HNRNPA0: variants seen among roughly 807,000 people sequenced by gnomAD.
HNRNPA0 encodes the protein heterogeneous nuclear ribonucleoprotein A0.
For missense variants in HNRNPA0, 252 were observed against 433.7 expected, an observed-to-expected ratio of 0.58 and a Z score of 3.72; for synonymous variants, 243 against 195.5, an observed-to-expected ratio of 1.24 and a Z score of -2.03.
rs760625108 is a variant in HNRNPA0, at chr5:137,754,078, G to A, written c.-12C>T. 13 of 1,599,278 alleles carry A rather than the reference G, an allele frequency of 8.1e-6. No individual in the cohort carries two copies. Among genetic ancestry groups the A allele is most frequent in the Admixed American group, 3.4e-5 (2 of 58,412 alleles). ...TGAGAATTCTCCATCTCCAAGGCCC[G>A]GGCCTTGCCCCCGCCCTGCGAGCTC... On this transcript the variant is annotated 5_prime_UTR_variant, in exon 1 of 1. Coordinates refer to ENST00000314940, the MANE Select transcript of HNRNPA0 (RefSeq NM_006805.4).
At position 137,750,525 on chromosome 5, in the gene HNRNPA0, T is replaced by C. The variant is rs1040068598; in HGVS notation, c.*2624A>G. 7 of 152,158 alleles carry C rather than the reference T, an allele frequency of 4.6e-5. No individual in the cohort carries two copies. Among genetic ancestry groups the C allele is most frequent in the Non-Finnish European group, 8.8e-5 (6 of 68,002 alleles). The allele number at this position is 152,158 out of a possible 1,614,324, so 9.4% of individuals were successfully genotyped here. On this transcript the variant is annotated 3_prime_UTR_variant, in exon 1 of 1. Transcript: ENST00000314940. ...AAAAATTATATTCAACACTAGGTTC[T>C]GTACCACCTGCTCCCATGAACTCTT...
In HNRNPA0 at chr5:137,754,305, G is replaced by A; in HGVS notation, c.-239C>T. 1 of 541,696 alleles carries A rather than the reference G, an allele frequency of 1.8e-6. No individual in the cohort carries two copies. 33.6% of individuals were successfully genotyped at this position (541,696 alleles called of 1,614,324 possible). ...CCGAGGAGACTGGAAGACAACCAAG[G>A]CCACCGCTACCGCCGCCGCCGCCAC... On this transcript the variant is annotated 5_prime_UTR_variant, in exon 1 of 1. Coordinates refer to ENST00000314940, the MANE Select transcript of HNRNPA0 (RefSeq NM_006805.4).
In HNRNPA0 at chr5:137,753,410, G is replaced by A. The variant is rs997960289; in HGVS notation, c.657C>T (p.Ser219=). 1.9e-6 allele frequency: 3 copies of A among 1,549,094 alleles called. No homozygotes were observed. Among genetic ancestry groups the A allele is most frequent in the South Asian group, 2.4e-5 (2 of 84,692 alleles). ...CTCCGCCGCCGCCGTAACCACCGTA[G>A]CTGTTGTAACCGCCGCCGCCGCCCT... ...LSKGGGGGYN[S]YGGYGGGGGG... is the part of the protein sequence containing the mutation. Residue 219 remains serine (S), a synonymous_variant, in exon 1 of 1, where the codon AGC becomes AGT. Transcript: ENST00000314940. This position sits in a 1 kb window ranked among gnomAD's most constrained non-coding sequence, Gnocchi z 6.1.
In HNRNPA0 at chr5:137,753,602, G is replaced by A. The variant is rs561337667; in HGVS notation, c.465C>T (p.Ala155=). 4 of 1,614,148 alleles carry A rather than the reference G, an allele frequency of 2.5e-6. No individual in the cohort carries two copies. Among genetic ancestry groups the A allele is most frequent in the East Asian group, 4.5e-5 (2 of 44,872 alleles). ...GAATCGGATGGAACTTGACCACCGC[G>A]GCCTTGTCTGCCGCGTCGTGATTCT... ...YFQNHDAADK[A]AVVKFHPIQG... The change falls in exon 1 of 1, where the codon GCC becomes GCT. Residue 155 remains alanine (A), a synonymous_variant. Transcript: ENST00000314940. This position sits in a 1 kb window ranked among gnomAD's most constrained non-coding sequence, Gnocchi z 6.1.
rs1753422359 is a variant in HNRNPA0 at position 137,747,298 on chromosome 5, T to A, written c.*5851A>T. On this transcript the variant is annotated 3_prime_UTR_variant, in exon 1 of 1. Transcript: ENST00000314940. ...GTATGCAGTTCTTTATTTGTCAGCC[T>A]CCCAGGAACACAGAACAAGAGAGAT... 1 of 152,082 alleles carries A rather than the reference T, an allele frequency of 6.6e-6. No individual in the cohort carries two copies. Among genetic ancestry groups the A allele is most frequent in the South Asian group, 2.1e-4 (1 of 4,828 alleles). 9.4% of individuals were successfully genotyped at this position (152,082 alleles called of 1,614,324 possible). A position where few individuals can be genotyped will look rare whatever the true frequency, so the allele number is the denominator to read the frequency against.
rs1753417019 is a variant in HNRNPA0, at chr5:137,746,908, T to C, written c.*6241A>G. 6.6e-6 allele frequency: 1 copy of C among 152,194 alleles called. No homozygotes were observed. Among genetic ancestry groups the C allele is most frequent in the African/African-American group, 2.4e-5 (1 of 41,442 alleles). 9.4% of individuals were successfully genotyped at this position (152,194 alleles called of 1,614,324 possible). On this transcript the variant is annotated 3_prime_UTR_variant, in exon 1 of 1. Coordinates refer to ENST00000314940, the MANE Select transcript of HNRNPA0 (RefSeq NM_006805.4). ...GTGCAAATAGCTAGATCTTCACGTT[T>C]GGTGGTGTGGGAAGATCAAGTCATA... is the stretch of plus-strand genomic sequence containing the variant.
In HNRNPA0 at chr5:137,749,477, G is replaced by C. The variant is rs1362892641; in HGVS notation, c.*3672C>G. 1 of 152,070 alleles carries C rather than the reference G, an allele frequency of 6.6e-6. No individual in the cohort carries two copies. Among genetic ancestry groups the C allele is most frequent in the African/African-American group, 2.4e-5 (1 of 41,398 alleles). 9.4% of individuals were successfully genotyped at this position (152,070 alleles called of 1,614,324 possible). A position where few individuals can be genotyped will look rare whatever the true frequency, so the allele number is the denominator to read the frequency against. Reference sequence around the variant, plus strand: ...CTTTTTATAATAAATGTTTTACCTTGTAACATTTAAATTCTCATTCAAGGC... The same window carrying C: ...CTTTTTATAATAAATGTTTTACCTTCTAACATTTAAATTCTCATTCAAGGC... On this transcript the variant is annotated 3_prime_UTR_variant, in exon 1 of 1. Transcript: ENST00000314940.
At position 137,753,716 on chromosome 5, in the gene HNRNPA0, G is replaced by A. The variant is rs201127169; in HGVS notation, c.351C>T (p.His117=). ...GDVAEGDLIE[H]FSQFGTVEKA... ...TTTCCACGGTGCCAAACTGCGAGAA[G>A]TGCTCGATCAGGTCGCCCTCAGCCA... Residue 117 remains histidine (H), a synonymous_variant, in exon 1 of 1, where the codon CAC becomes CAT. Coordinates refer to ENST00000314940, the MANE Select transcript of HNRNPA0 (RefSeq NM_006805.4). The surrounding 1 kb of genome is among the most constrained non-coding windows in gnomAD (Gnocchi z 6.1). 73 of 1,613,558 alleles carry A rather than the reference G, an allele frequency of 4.5e-5. 1 individual carries two copies. The Admixed American group carries it at 1.2e-3, about 27-fold the overall frequency.
At position 137,754,333 on chromosome 5, in the gene HNRNPA0, C is replaced by T. The variant is rs1015496772; in HGVS notation, c.-267G>A. 4.0e-6 allele frequency: 2 copies of T among 501,264 alleles called. No individual in the cohort carries two copies. Among genetic ancestry groups the T allele is most frequent in the Non-Finnish European group, 7.3e-6 (2 of 273,376 alleles). The allele number at this position is 501,264 out of a possible 1,614,324, so 31.1% of individuals were successfully genotyped here. ...ACCGCTACCGCCGCCGCCGCCACCT[C>T]CGCTCCCCTATCTGGGCACCACACA... On this transcript the variant is annotated 5_prime_UTR_variant, in exon 1 of 1. Coordinates refer to ENST00000314940, the MANE Select transcript of HNRNPA0 (RefSeq NM_006805.4).
At position 137,753,024 on chromosome 5, in the gene HNRNPA0, G is replaced by T; in HGVS notation, c.*125C>A. 4 of 1,010,920 alleles carry T rather than the reference G, an allele frequency of 4.0e-6. No homozygotes were observed. The highest frequency in any genetic ancestry group is 5.5e-5 in the Admixed American group (2 of 36,362). The allele number at this position is 1,010,920 out of a possible 1,614,324, so 62.6% of individuals were successfully genotyped here. ...CCCAAGGGTAAGCAGCCTTAGAAGT[G>T]GCTCCCCCAAGGGCAAAACAGGGAA... On this transcript the variant is annotated 3_prime_UTR_variant, in exon 1 of 1. Coordinates refer to ENST00000314940, the MANE Select transcript of HNRNPA0 (RefSeq NM_006805.4). This position sits in a 1 kb window ranked among gnomAD's most constrained non-coding sequence, Gnocchi z 6.1.
rs983569807 is a variant in HNRNPA0 at position 137,748,696 on chromosome 5, A to G, written c.*4453T>C. 3.3e-5 allele frequency: 5 copies of G among 152,156 alleles called. No individual in the cohort carries two copies. Among genetic ancestry groups the G allele is most frequent in the Non-Finnish European group, 5.9e-5 (4 of 68,006 alleles). The allele number at this position is 152,156 out of a possible 1,614,324, so 9.4% of individuals were successfully genotyped here. A position where few individuals can be genotyped will look rare whatever the true frequency, so the allele number is the denominator to read the frequency against. ...AGTGCTAGAAAGTGACTGTGTCAGGAACAGAATTTGGTCTATTGGATGCCC... is the reference window on the plus strand; with the variant it reads ...AGTGCTAGAAAGTGACTGTGTCAGGGACAGAATTTGGTCTATTGGATGCCC... On this transcript the variant is annotated 3_prime_UTR_variant, in exon 1 of 1. Transcript: ENST00000314940.
At position 137,753,156 on chromosome 5, in the gene HNRNPA0, G is replaced by A. The variant is rs766030504; in HGVS notation, c.911C>T (p.Ser304Phe). 7.4e-6 allele frequency: 12 copies of A among 1,612,442 alleles called. No homozygotes were observed. The South Asian group carries it at 1.1e-4, about 15-fold the overall frequency. ...GGCATTTTAAATTTTCTTTTAGAAG[G>A]AGCTGCCTCCATAGCCACCCCCACC... ...YGGGGGYGGS[S>F]F Residue 304 changes from serine to phenylalanine, a missense_variant, in exon 1 of 1, where the codon TCC (serine) becomes TTC (phenylalanine). Transcript: ENST00000314940. The surrounding 1 kb of genome is among the most constrained non-coding windows in gnomAD (Gnocchi z 6.1).
chr5:137,745,748 T>C lies in HNRNPA0; in HGVS notation c.*7401A>G, dbSNP rs1053547812. The C allele has an allele frequency of 1.3e-5, 2 of 152,342 alleles. No homozygotes were observed. The highest frequency in any genetic ancestry group is 1.9e-4 in the East Asian group (1 of 5,184). The allele number at this position is 152,342 out of a possible 1,614,324, so 9.4% of individuals were successfully genotyped here. On this transcript the variant is annotated 3_prime_UTR_variant, in exon 1 of 1. Transcript: ENST00000314940. The stretch of plus-strand genomic sequence containing the variant: ...CATAAGCAGAATCTGGAGGAATCCA[T>C]GTGCAGGCTTCTTTAGGATCTCTCC...
chr5:137,753,166 C>T lies in HNRNPA0; in HGVS notation c.901G>A (p.Gly301Arg), dbSNP rs1010613382. The T allele has an allele frequency of 1.5e-5, 24 of 1,613,058 alleles. No homozygotes were observed. The highest frequency in any genetic ancestry group is 1.9e-5 in the Non-Finnish European group (23 of 1,179,552). The change falls in exon 1 of 1, where the codon GGA (glycine) becomes AGA (arginine). Residue 301 changes from glycine to arginine, a missense_variant. Transcript: ENST00000314940. This position sits in a 1 kb window ranked among gnomAD's most constrained non-coding sequence, Gnocchi z 6.1. ...ATTTTCTTTTAGAAGGAGCTGCCTC[C>T]ATAGCCACCCCCACCGCCATAGCCG... is the stretch of plus-strand genomic sequence containing the variant. ...RGGYGGGGGY[G>R]GSSF
At position 137,753,482 on chromosome 5, in the gene HNRNPA0, TCGGCCGCCC is replaced by T. The variant is rs764759162; in HGVS notation, c.576_584del (p.Gly197_Gly199del). On this transcript the variant is annotated inframe_deletion, in exon 1 of 1. Transcript: ENST00000314940. The surrounding 1 kb of genome is among the most constrained non-coding windows in gnomAD (Gnocchi z 6.1). ...GACCACCGCCGCGCCCCCGGCCGCC[TCGGCCGCCC>T]CGGGAGGATCGGGAGCCGCCTCCAC... The T allele has an allele frequency of 3.5e-5, 56 of 1,579,470 alleles. No homozygotes were observed. Among genetic ancestry groups the T allele is most frequent in the Non-Finnish European group, 4.2e-5 (49 of 1,162,520 alleles).
Position 137,753,341 on chromosome 5 carries a change from G to A in HNRNPA0, c.726C>T (p.Ser242=), listed in dbSNP as rs770497298. The A allele has an allele frequency of 2.9e-5, 45 of 1,553,812 alleles. No homozygotes were observed. Among genetic ancestry groups the A allele is most frequent in the Middle Eastern group, 1.7e-4 (1 of 6,004 alleles). The change falls in exon 1 of 1, where the codon TCC becomes TCT. Residue 242 remains serine, a synonymous_variant. Coordinates refer to ENST00000314940, the MANE Select transcript of HNRNPA0 (RefSeq NM_006805.4). The surrounding 1 kb of genome is among the most constrained non-coding windows in gnomAD (Gnocchi z 6.1). ...CGTTACCGTAGTCGCTCCCACCGTA[G>A]GACGAACCGCCGCCGCCGCCTCCGT... is the stretch of plus-strand genomic sequence containing the variant. ...NAYGGGGGGS[S]YGGSDYGNGF...
Position 137,748,224 on chromosome 5 carries a change from T to C in HNRNPA0, c.*4925A>G, listed in dbSNP as rs941295456. ...ACCTATCTTTTAAGGTTAAATGTTA[T>C]ATGCTCCACAATGCCTCTCTTGATC... is the stretch of plus-strand genomic sequence containing the variant. On this transcript the variant is annotated 3_prime_UTR_variant, in exon 1 of 1. Coordinates refer to ENST00000314940, the MANE Select transcript of HNRNPA0 (RefSeq NM_006805.4). 1 of 152,194 alleles carries C rather than the reference T, an allele frequency of 6.6e-6. No individual in the cohort carries two copies. The highest frequency in any genetic ancestry group is 2.4e-5 in the African/African-American group (1 of 41,442). The allele number at this position is 152,194 out of a possible 1,614,324, so 9.4% of individuals were successfully genotyped here.
rs1753510604 is a variant in HNRNPA0 at position 137,752,221 on chromosome 5, G to A, written c.*928C>T. ...TTCATTACAGACAAACCAGTAAGAG[G>A]GATGAAACTAGGCCATCTGAAAAAT... On this transcript the variant is annotated 3_prime_UTR_variant, in exon 1 of 1. Coordinates refer to ENST00000314940, the MANE Select transcript of HNRNPA0 (RefSeq NM_006805.4). 6.6e-6 allele frequency: 1 copy of A among 152,046 alleles called. No individual in the cohort carries two copies. Among genetic ancestry groups the A allele is most frequent in the East Asian group, 1.9e-4 (1 of 5,194 alleles). The allele number at this position is 152,046 out of a possible 1,614,324, so 9.4% of individuals were successfully genotyped here.
rs958899974 is a variant in HNRNPA0, at chr5:137,747,475, C to T, written c.*5674G>A. 1.3e-5 allele frequency: 2 copies of T among 152,216 alleles called. No homozygotes were observed. Among genetic ancestry groups the T allele is most frequent in the Non-Finnish European group, 1.5e-5 (1 of 68,036 alleles). The allele number at this position is 152,216 out of a possible 1,614,324, so 9.4% of individuals were successfully genotyped here. A position where few individuals can be genotyped will look rare whatever the true frequency, so the allele number is the denominator to read the frequency against. On this transcript the variant is annotated 3_prime_UTR_variant, in exon 1 of 1. Transcript: ENST00000314940. ...CCTCTAAATCTTCTCTTCCTATTAC[C>T]AGTGGCATCACCATCCTCTCACACA... is the stretch of plus-strand genomic sequence containing the variant.
Sources: allele counts gnomAD v4.1 joint callset, GRCh38; gene constraint gnomAD v4.1.1; non-coding constraint Gnocchi (gnomAD v3.1); transcripts MANE v1.5; gene names NCBI Gene and HGNC (gene_info 2026-07-23, HGNC 2026-07-21).